RANBP17: variants seen among roughly 807,000 people sequenced by gnomAD.
RANBP17 encodes the protein RAN binding protein 17, also known as ran-binding protein 17.
RANBP17 carries 158 observed loss-of-function variants against 141.2 expected under a neutral mutation model. That is an observed-to-expected ratio of 1.12 (90% CI 0.98 to 1.28). RANBP17 has a LOEUF of 1.28. Among genes scored for constraint, RANBP17 ranks in the 50% most tolerant of loss-of-function variants. RANBP17 has a pLI of 0.00. For missense variants in RANBP17, 1,438 were observed against 1,290.7 expected (o/e 1.11, Z -1.75); for synonymous variants, 430 against 450.0 (o/e 0.96, Z 0.56).
chr5:170,891,257 A>G (rs1020681253), intron 3 of RANBP17, among the ~76,000 whole-genome samples: 4 of 152,240 alleles, frequency 2.6e-5, no homozygotes, highest in African/African-American at 7.2e-5. Flanking sequence ...ATGGTTAAGG[A>G]AAGCATAGTA....
intron 3 of RANBP17, among the ~76,000 whole-genome samples, chr5:170,882,205 C>A (rs538919978): frequency 5.3e-5 from 8 of 152,250 alleles, no homozygotes; most frequent in Admixed American, 3.3e-4. Flanking sequence ...CCTCAGCCTC[C>A]CGAGTAGCTG....
At chr5:171,119,007 A>G (rs1279347039) in intron 14 of RANBP17, among the ~76,000 whole-genome samples, 1 of 152,212 alleles carries the variant, frequency 6.6e-6, no homozygotes, top group African/African-American at 2.4e-5. Flanking sequence ...CAGTTTATAA[A>G]GGAAAAGCTT....
intron 14 of RANBP17, among the ~76,000 whole-genome samples, chr5:171,078,542 C>T (rs1276882384): frequency 1.3e-5 from 2 of 152,188 alleles, no homozygotes; most frequent in African/African-American, 4.8e-5. Context: ...GAAGAGAAGT[C>T]AATGCCTGGC....
At chr5:171,211,636 T>TG (rs1162195847) in intron 20 of RANBP17, among the ~76,000 whole-genome samples, 4 of 150,892 alleles carry the variant, frequency 2.7e-5, no homozygotes, top group Admixed American at 2.6e-4. Context: ...GGGTTTTTTT[T>TG]TTTTTTTTTT....
chr5:170,966,156 C>T (rs1320956258), intron 13 of RANBP17, among the ~76,000 whole-genome samples: 1 of 151,870 alleles, frequency 6.6e-6, no homozygotes, highest in African/African-American at 2.4e-5. Context: ...CTATTCCAAT[C>T]AGTAGAAAAA....
intron 14 of RANBP17, among the ~76,000 whole-genome samples, chr5:171,090,725 T>G (rs1786190637): frequency 6.6e-6 from 1 of 152,162 alleles, no homozygotes; most frequent in Admixed American, 6.5e-5. Context: ...CTTGGTGCCC[T>G]GTGTCCCAGT....
intron 18 of RANBP17, among the ~76,000 whole-genome samples, chr5:171,195,044 T>C (rs113866586): frequency 2.1e-4 from 32 of 152,354 alleles, no homozygotes; most frequent in African/African-American, 7.7e-4. Context: ...GGGTTTTACC[T>C]AAAAGCTAAG....
intron 18 of RANBP17, 48 bp downstream of exon 18, chr5:171,183,478 T>C: frequency 7.9e-7 from 1 of 1,272,826 alleles, no homozygotes; most frequent in Non-Finnish European, 1.1e-6. Flanking sequence ...AGCAATACAC[T>C]TGTGTGAATA....
intron 5 of RANBP17, chr5:170,903,855 G>T (rs1007140988): frequency 4.3e-6 from 2 of 461,938 alleles, no homozygotes; most frequent in African/African-American, 2.1e-5. Context: ...AACAAGCTCC[G>T]CAAGATTTGA....
chr5:170,995,172 T>C (rs950544701), intron 14 of RANBP17, among the ~76,000 whole-genome samples: 1 of 152,120 alleles, frequency 6.6e-6, no homozygotes, highest in African/African-American at 2.4e-5. Context: ...TGATTTTATG[T>C]GTTACAGTTG....
At chr5:170,995,091 C>T (rs1489081361) in intron 14 of RANBP17, among the ~76,000 whole-genome samples, 1 of 152,054 alleles carries the variant, frequency 6.6e-6, no homozygotes, top group Non-Finnish European at 1.5e-5. Context: ...CTAGTTAAAT[C>T]AGCCAGTTGA....
chr5:171,015,009 A>G lies in RANBP17; in HGVS notation c.1710+46632A>G, dbSNP rs185592116. The stretch of plus-strand genomic sequence containing the variant: ...CATTGTCTTCTCACTTGTATTTTTT[A>G]TGATGAGAAATCTGCTGTAATCCTT... On this transcript the variant is annotated intron_variant, in intron 14 of 27. Coordinates refer to ENST00000523189, the MANE Select transcript of RANBP17 (RefSeq NM_022897.5). Among the ~76,000 whole-genome samples, 721 of 152,152 alleles carry G rather than the reference A, an allele frequency of 4.7e-3. 4 individuals carry two copies. The highest frequency in any genetic ancestry group is 0.017 in the African/African-American group (699 of 41,562).
At chr5:171,267,767 C>T (rs1766823789) in intron 25 of RANBP17, among the ~76,000 whole-genome samples, 1 of 151,812 alleles carries the variant, frequency 6.6e-6, no homozygotes, top group East Asian at 1.9e-4. Flanking sequence ...GATCACACCA[C>T]TGCACTCCAG....
chr5:171,038,313 T>G (rs1182881843), intron 14 of RANBP17, among the ~76,000 whole-genome samples: 1 of 148,118 alleles, frequency 6.8e-6, no homozygotes. Context: ...ATCCTGAAAC[T>G]TTACTGAAGT....
At chr5:170,944,723 A>G (rs902158661) in intron 12 of RANBP17, among the ~76,000 whole-genome samples, 13 of 152,170 alleles carry the variant, frequency 8.5e-5, no homozygotes, top group Non-Finnish European at 1.3e-4. Flanking sequence ...TATGTACTCT[A>G]TTTTTCTCTA....
At chr5:171,280,284 T>C (rs778779682) in intron 25 of RANBP17, among the ~76,000 whole-genome samples, 5 of 152,120 alleles carry the variant, frequency 3.3e-5, no homozygotes, top group Non-Finnish European at 7.4e-5. Flanking sequence ...GTTTTGTTTT[T>C]GTTTTTGTTT....
intron 14 of RANBP17, among the ~76,000 whole-genome samples, chr5:171,036,078 A>G (rs1273498319): frequency 6.6e-6 from 1 of 152,098 alleles, no homozygotes; most frequent in Non-Finnish European, 1.5e-5. Context: ...TTTTTACAAA[A>G]TACAACAAAA....
chr5:171,071,653 C>CAAAAA (rs34555837), intron 14 of RANBP17, among the ~76,000 whole-genome samples: 24 of 69,618 alleles, frequency 3.4e-4, no homozygotes, highest in East Asian at 1.6e-3. Context: ...CAGCTTTATG[C>CAAAAA]AAAAAAAAAA....
chr5:171,153,798 C>G (rs1467896594), intron 14 of RANBP17, among the ~76,000 whole-genome samples: 1 of 152,134 alleles, frequency 6.6e-6, no homozygotes, highest in Non-Finnish European at 1.5e-5. Flanking sequence ...CTGTAATCTT[C>G]AGGCGGATCA....
Sources: allele counts gnomAD v4.1 joint callset (sites outside exome capture counted in the v4.1 genomes callset), GRCh38; gene constraint gnomAD v4.1.1; transcripts MANE v1.5; gene names NCBI Gene and HGNC (gene_info 2026-07-23, HGNC 2026-07-21).